PRKCZ: variants seen among roughly 807,000 people sequenced by gnomAD.
PRKCZ encodes protein kinase C zeta.
Under a neutral mutation model 79.5 loss-of-function variants are expected in PRKCZ, and 33 were observed. The observed-to-expected ratio is 0.41, with a 90% CI of 0.31 to 0.55. The LOEUF (loss-of-function observed/expected upper bound fraction) is 0.55. Among genes scored for constraint, PRKCZ ranks in the 20% least tolerant of loss-of-function variants. The probability of loss-of-function intolerance (pLI) is 0.19; values close to 1 mark genes in which losing one functional copy is unlikely to be tolerated. For missense variants in PRKCZ, 578 were observed against 813.5 expected, an observed-to-expected ratio of 0.71 and a Z score of 3.52; for synonymous variants, 342 against 320.9, an observed-to-expected ratio of 1.07 and a Z score of -0.70.
rs1426817851 is a variant in PRKCZ, at chr1:2,144,236, G to C, written c.447G>C (p.Glu149Asp). 6.4e-7 allele frequency: 1 copy of C among 1,553,256 alleles called. No homozygotes were observed. The highest frequency in any genetic ancestry group is 8.7e-7 in the Non-Finnish European group (1 of 1,147,612). The change falls in exon 6 of 18, where the codon GAG (glutamate) becomes GAC (aspartate). Residue 149 changes from glutamate to aspartate, a missense_variant. This residue lies in a region of PRKCZ where 228 missense variants were observed against 211.6 expected (regional missense o/e 1.08). Coordinates refer to ENST00000378567, the MANE Select transcript of PRKCZ (RefSeq NM_002744.6). The part of the protein sequence containing the change: ...NRRAYCGQCS[E>D]RIWGLARQGY... ...GAGCGTACTGCGGTCAGTGCAGCGA[G>C]AGGATATGGGGCCTCGCGAGGCAAG... is the stretch of plus-strand genomic sequence containing the variant.
intron 10 of PRKCZ, among the ~76,000 whole-genome samples, chr1:2,164,531 G>A (rs567686095): frequency 1.3e-5 from 2 of 152,272 alleles, no homozygotes; most frequent in Middle Eastern, 3.4e-3. Flanking sequence ...CTCGAGGAAT[G>A]GGGGATGTGG....
At chr1:2,120,839 CTTTTT>C (rs35674338) in intron 4 of PRKCZ, among the ~76,000 whole-genome samples, 5 of 103,084 alleles carry the variant, frequency 4.9e-5, no homozygotes, top group African/African-American at 7.5e-5. Context: ...CCATTTGATT[CTTTTT>C]TTTTTTTTTT....
At chr1:2,110,994 C>T (rs1669637299) in intron 4 of PRKCZ, among the ~76,000 whole-genome samples, 1 of 152,152 alleles carries the variant, frequency 6.6e-6, no homozygotes, top group Non-Finnish European at 1.5e-5. Flanking sequence ...CTGAGCTCCC[C>T]CACCCTACCC....
intron 4 of PRKCZ, among the ~76,000 whole-genome samples, chr1:2,067,580 G>A (rs1215437665): frequency 6.6e-6 from 1 of 152,186 alleles, no homozygotes. Flanking sequence ...GCTGGGGTCT[G>A]TGGGCTCCAC....
chr1:2,077,275 G>T lies in PRKCZ; in HGVS notation c.334+17684G>T, dbSNP rs189867680. On this transcript the variant is annotated intron_variant, in intron 4 of 17. Coordinates refer to ENST00000378567, the MANE Select transcript of PRKCZ (RefSeq NM_002744.6). ...GAAATAGGGGGTTTGAGTGTGTCTG[G>T]TCTTTCTGAAGTTTTCTTTTTGAAC... Among the ~76,000 whole-genome samples, 745 of 152,338 alleles carry T rather than the reference G, an allele frequency of 4.9e-3. 6 individuals carry two copies. The highest frequency in any genetic ancestry group is 8.2e-3 in the Non-Finnish European group (558 of 68,034).
At chr1:2,117,283 G>A (rs1670937173) in intron 4 of PRKCZ, among the ~76,000 whole-genome samples, 1 of 151,924 alleles carries the variant, frequency 6.6e-6, no homozygotes, top group African/African-American at 2.4e-5. Flanking sequence ...GTAGTCTTGT[G>A]TGTAGCGGTC....
At chr1:2,059,134 T>C (rs1660445586) in intron 3 of PRKCZ, among the ~76,000 whole-genome samples, 1 of 152,220 alleles carries the variant, frequency 6.6e-6, no homozygotes. Context: ...TAATAATTTA[T>C]TGTGGAAGCC....
chr1:2,110,418 C>T (rs1052805539), intron 4 of PRKCZ, among the ~76,000 whole-genome samples: 5 of 152,240 alleles, frequency 3.3e-5, no homozygotes, highest in Non-Finnish European at 7.3e-5. Flanking sequence ...TCAGGGGGCT[C>T]CTGGTCCCGT....
chr1:2,090,971 A>G (rs1665395838), intron 4 of PRKCZ, among the ~76,000 whole-genome samples: 1 of 152,264 alleles, frequency 6.6e-6, no homozygotes, highest in Non-Finnish European at 1.5e-5. Flanking sequence ...TCAAACTGCC[A>G]CATGTACCAT....
At chr1:2,148,823 C>T (rs755875721) in intron 7 of PRKCZ, 49 bp from the exon 8 acceptor site, 49 of 1,585,528 alleles carry the variant, frequency 3.1e-5, no homozygotes, top group Non-Finnish European at 3.8e-5. Context: ...GTTCCCAGTG[C>T]GTTCCTGACC....
chr1:2,079,368 T>G (rs919136315), intron 4 of PRKCZ, among the ~76,000 whole-genome samples: 10 of 152,360 alleles, frequency 6.6e-5, no homozygotes, highest in African/African-American at 2.2e-4. Flanking sequence ...AGATTAGCAC[T>G]GAGGCACAGA....
At chr1:2,150,665 T>G (rs1406276426) in intron 8 of PRKCZ, 125 bp from the exon 9 acceptor site, 1 of 976,716 alleles carries the variant, frequency 1.0e-6, no homozygotes, top group South Asian at 1.7e-5. Context: ...GAACTGAGAC[T>G]CGAATCATGA....
intron 6 of PRKCZ, among the ~76,000 whole-genome samples, chr1:2,145,694 A>G (rs1678354894): frequency 6.6e-6 from 1 of 152,178 alleles, no homozygotes. Flanking sequence ...TGGGAAGATC[A>G]CTTGAGGCCA....
Position 2,127,486 on chromosome 1 carries a change from G to A in PRKCZ, c.335-7776G>A, listed in dbSNP as rs371011088. ...TCACCCTCTGGTCCTGGCTGGGCCCGTCCCGCCCCACGTCCCGCCTCCCAC... is the reference window on the plus strand; with the variant it reads ...TCACCCTCTGGTCCTGGCTGGGCCCATCCCGCCCCACGTCCCGCCTCCCAC... On this transcript the variant is annotated intron_variant, in intron 4 of 17. Transcript: ENST00000378567. This position sits in a 1 kb window ranked among gnomAD's most constrained non-coding sequence, Gnocchi z 5.1. Among the ~76,000 whole-genome samples the A allele has an allele frequency of 4.0e-5, 6 of 149,008 alleles. No homozygotes were observed. The East Asian group carries it at 6.3e-4, about 16-fold the overall frequency.
At chr1:2,065,033 T>A (rs1239273435) in intron 4 of PRKCZ, among the ~76,000 whole-genome samples, 1 of 152,248 alleles carries the variant, frequency 6.6e-6, no homozygotes, top group Non-Finnish European at 1.5e-5. Context: ...TTCAGCAGTG[T>A]TTTACAGTTT....
At position 2,165,179 on chromosome 1, in the gene PRKCZ, C is replaced by T. The variant is rs1162801210; in HGVS notation, c.975-4339C>T. 6.6e-6 allele frequency among the ~76,000 whole-genome samples: 1 copy of T among 152,232 alleles called. No individual in the cohort carries two copies. The highest frequency in any genetic ancestry group is 1.5e-5 in the Non-Finnish European group (1 of 68,042). On this transcript the variant is annotated intron_variant, in intron 10 of 17. Transcript: ENST00000378567. The surrounding 1 kb of genome is among the most constrained non-coding windows in gnomAD (Gnocchi z 4.1). ...CCTTCTGTGGATTCAGCTTTACCGCCTTTCCTCATCTGCTGGTGTCTTCCT... is the reference window on the plus strand; with the variant it reads ...CCTTCTGTGGATTCAGCTTTACCGCTTTTCCTCATCTGCTGGTGTCTTCCT...
chr1:2,176,386 C>G (rs1685505763), intron 16 of PRKCZ, among the ~76,000 whole-genome samples: 1 of 151,858 alleles, frequency 6.6e-6, no homozygotes, highest in Non-Finnish European at 1.5e-5. Flanking sequence ...CAGGATGTTT[C>G]CAGCGCCGCT....
At position 2,128,846 on chromosome 1, in the gene PRKCZ, A is replaced by T. The variant is rs969365284; in HGVS notation, c.335-6416A>T. On this transcript the variant is annotated intron_variant, in intron 4 of 17. Coordinates refer to ENST00000378567, the MANE Select transcript of PRKCZ (RefSeq NM_002744.6). The surrounding 1 kb of genome is among the most constrained non-coding windows in gnomAD (Gnocchi z 6.5). Reference sequence around the variant, plus strand: ...GCTTGACTTTGAGACCCTGTTCCACAGAGGTAGCCGGGGGACTCGCGGTGC... The same window carrying T: ...GCTTGACTTTGAGACCCTGTTCCACTGAGGTAGCCGGGGGACTCGCGGTGC... Among the ~76,000 whole-genome samples the T allele has an allele frequency of 6.6e-6, 1 of 152,182 alleles. No homozygotes were observed. Among genetic ancestry groups the T allele is most frequent in the African/African-American group, 2.4e-5 (1 of 41,448 alleles).
chr1:2,102,302 G>A (rs534495721), intron 4 of PRKCZ, among the ~76,000 whole-genome samples: 23 of 136,262 alleles, frequency 1.7e-4, no homozygotes, highest in African/African-American at 5.6e-4. Context: ...CCTAGTACAC[G>A]TTTTTTATTG....
Sources: allele counts gnomAD v4.1 joint callset (sites outside exome capture counted in the v4.1 genomes callset), GRCh38; gene constraint gnomAD v4.1.1; regional missense constraint gnomAD v4.1.1; non-coding constraint Gnocchi (gnomAD v3.1); transcripts MANE v1.5; gene names NCBI Gene and HGNC (gene_info 2026-07-23, HGNC 2026-07-21).